Variants in BIN1 observed in about 807,000 individuals in gnomAD.
BIN1 encodes the protein bridging integrator 1, also known as myc box-dependent-interacting protein 1.
In BIN1, 53 loss-of-function variants were observed where a neutral mutation model predicts 82.0. The ratio of observed to expected loss-of-function variants is 0.65; its 90% confidence interval spans 0.52 to 0.81. The LOEUF (loss-of-function observed/expected upper bound fraction) is 0.81. BIN1 is among the 40% of genes least tolerant of loss of function. The pLI, the probability that BIN1 is intolerant of heterozygous loss-of-function variation, is 0.00. For missense variants in BIN1, 642 were observed against 784.4 expected (o/e 0.82, Z 2.17); for synonymous variants, 302 against 328.0 (o/e 0.92, Z 0.86).
In BIN1 at chr2:127,064,012, C is replaced by T; in HGVS notation, c.619G>A (p.Glu207Lys). 1 of 1,613,900 alleles carries T rather than the reference C, an allele frequency of 6.2e-7. No individual in the cohort carries two copies. ...ACCTTCTGGGCTTTGATGAGCTCCTCCTCGGCCTGGGGGGCAGCACGGGTC... is the reference window on the plus strand; with the variant it reads ...ACCTTCTGGGCTTTGATGAGCTCCTTCTCGGCCTGGGGGGCAGCACGGGTC... The part of the protein sequence containing the change: ...QTNLLRNQAE[E>K]ELIKAQKVFE... Residue 207 changes from glutamate (E) to lysine (K), a missense_variant, in exon 8 of 19, where the codon GAG becomes AAG. Glu to Lys is a moderately conservative substitution (Grantham distance 56). Transcript: ENST00000316724.
At chr2:127,079,426 G>T (rs556238279) in intron 1 of BIN1, among the ~76,000 whole-genome samples, 1 of 152,232 alleles carries the variant, frequency 6.6e-6, no homozygotes, top group Non-Finnish European at 1.5e-5. Flanking sequence ...TCACACAGGT[G>T]GGGGATGGGC....
At chr2:127,080,395 T>G (rs1687143301) in intron 1 of BIN1, among the ~76,000 whole-genome samples, 1 of 152,164 alleles carries the variant, frequency 6.6e-6, no homozygotes, top group Admixed American at 6.5e-5. Flanking sequence ...GGCAGGACAG[T>G]TGTGCTGGGT....
intron 1 of BIN1, among the ~76,000 whole-genome samples, chr2:127,101,596 C>G (rs918086346): frequency 4.6e-5 from 7 of 152,218 alleles, no homozygotes; most frequent in African/African-American, 1.7e-4. Flanking sequence ...TGGGTCCCCA[C>G]TCCCTAGAAC....
intron 1 of BIN1, among the ~76,000 whole-genome samples, chr2:127,085,602 A>G (rs1485711350): frequency 6.6e-6 from 1 of 152,100 alleles, no homozygotes; most frequent in Non-Finnish European, 1.5e-5. Context: ...GGGAGAGCCC[A>G]TAATGAGGAA....
intron 10 of BIN1, among the ~76,000 whole-genome samples, chr2:127,061,372 A>G (rs1402407904): frequency 1.3e-5 from 2 of 152,176 alleles, no homozygotes; most frequent in Admixed American, 6.5e-5. Flanking sequence ...TACCCCAAGA[A>G]GCAGACAGTC....
At position 127,059,017 on chromosome 2, in the gene BIN1, T is replaced by C. The variant is rs1197236051; in HGVS notation, c.996A>G (p.Pro332=). 1.9e-6 allele frequency: 3 copies of C among 1,556,788 alleles called. No individual in the cohort carries two copies. The highest frequency in any genetic ancestry group is 8.7e-7 in the Non-Finnish European group (1 of 1,150,754). The part of the protein sequence containing the change: ...ATPGATLPKS[P]SQLRKGPPVP... ...ACCAAGACATCACTCCTACCTGAGA[T>C]GGGGACTTGGGGAGGGTGGCCCCGG... is the stretch of plus-strand genomic sequence containing the variant. Residue 332 remains proline, a synonymous_variant, in exon 11 of 19, where the codon CCA becomes CCG. Transcript: ENST00000316724. This position sits in a 1 kb window ranked among gnomAD's most constrained non-coding sequence, Gnocchi z 6.7.
intron 1 of BIN1, among the ~76,000 whole-genome samples, chr2:127,078,299 A>T (rs1041485799): frequency 1.1e-4 from 16 of 152,172 alleles, no homozygotes; most frequent in African/African-American, 3.9e-4. Context: ...GCAGAGAGGA[A>T]TCAGATGTGG....
chr2:127,089,628 A>G (rs539104661), intron 1 of BIN1, among the ~76,000 whole-genome samples: 7 of 151,728 alleles, frequency 4.6e-5, no homozygotes, highest in African/African-American at 1.7e-4. Flanking sequence ...TTTCTATCAC[A>G]CCCCGGCCCC....
chr2:127,071,063 A>G (rs867755327), intron 2 of BIN1, among the ~76,000 whole-genome samples: 6 of 152,066 alleles, frequency 3.9e-5, no homozygotes, highest in South Asian at 2.1e-4. Flanking sequence ...TCAGCCCAGG[A>G]AGGAAGGCAG....
At chr2:127,098,328 C>A (rs2105322192) in intron 1 of BIN1, among the ~76,000 whole-genome samples, 1 of 152,308 alleles carries the variant, frequency 6.6e-6, no homozygotes, top group African/African-American at 2.4e-5. Context: ...CAACCCAGTC[C>A]TGTGGCGGCT....
At chr2:127,063,846 G>A (rs573864597) in intron 8 of BIN1, 87 bp downstream of exon 8, 8 of 1,550,028 alleles carry the variant, frequency 5.2e-6, no homozygotes, top group East Asian at 2.2e-5. Context: ...CAGCACGCAG[G>A]CTGGGCACCA....
rs184040747 is a variant in BIN1 at position 127,074,157 on chromosome 2, G to A, written c.165+2469C>T. ...CTCACAGAATCAGAGGCAAGAAAAA[G>A]CTCCACCTCCAGGCTTCCCACGCCC... On this transcript the variant is annotated intron_variant, in intron 2 of 18. Coordinates refer to ENST00000316724, the MANE Select transcript of BIN1 (RefSeq NM_139343.3). 2.3e-4 allele frequency among the ~76,000 whole-genome samples: 35 copies of A among 152,172 alleles called. No individual in the cohort carries two copies. In the East Asian group the frequency reaches 6.4e-3, roughly 28 times the overall value.
At chr2:127,058,702 C>T (rs1684028766) in intron 11 of BIN1, among the ~76,000 whole-genome samples, 1 of 151,604 alleles carries the variant, frequency 6.6e-6, no homozygotes, top group South Asian at 2.1e-4. Context: ...AGAGCCTCTG[C>T]TAGGGAGGAA....
At position 127,090,348 on chromosome 2, in the gene BIN1, AC is replaced by A. The variant is rs937120799; in HGVS notation, c.85-13643del. On this transcript the variant is annotated intron_variant, in intron 1 of 18. Coordinates refer to ENST00000316724, the MANE Select transcript of BIN1 (RefSeq NM_139343.3). The surrounding 1 kb of genome is among the most constrained non-coding windows in gnomAD (Gnocchi z 6.4). ...TGCTACTACTCCACATCCCAGTGCC[AC>A]CCCCGCAGGCAGGCAGCAAGGGCAT... 5.9e-5 allele frequency among the ~76,000 whole-genome samples: 9 copies of A among 152,098 alleles called. No individual in the cohort carries two copies. The highest frequency in any genetic ancestry group is 2.0e-4 in the Admixed American group (3 of 15,272).
At chr2:127,099,764 G>A (rs550730821) in intron 1 of BIN1, among the ~76,000 whole-genome samples, 4 of 151,146 alleles carry the variant, frequency 2.6e-5, no homozygotes, top group East Asian at 3.9e-4. Context: ...CGCCCGCCTC[G>A]GCCTCCCAAA....
intron 18 of BIN1, among the ~76,000 whole-genome samples, chr2:127,048,948 A>T (rs752158586): frequency 1.3e-5 from 2 of 152,212 alleles, no homozygotes; most frequent in African/African-American, 2.4e-5. Context: ...CTTCTCAAAC[A>T]ACCCCAGAAA....
At chr2:127,069,705 A>T (rs1685616373) in intron 5 of BIN1, among the ~76,000 whole-genome samples, 1 of 151,520 alleles carries the variant, frequency 6.6e-6, no homozygotes, top group South Asian at 2.1e-4. Flanking sequence ...CACCTTCCAC[A>T]ATCATATAGC....
Position 127,076,660 on chromosome 2 carries a change from A to T in BIN1, c.131T>A (p.Phe44Tyr). ...GKADETKDEQFEQCVQNFNKQ... is the reference protein window; with the variant it reads ...GKADETKDEQYEQCVQNFNKQ... ...GTTGAAATTCTGGACGCACTGCTCAAACTGCTCATCCTTGGTCTCATCTGC... is the reference window on the plus strand; with the variant it reads ...GTTGAAATTCTGGACGCACTGCTCATACTGCTCATCCTTGGTCTCATCTGC... The change falls in exon 2 of 19, where the codon TTT (phenylalanine) becomes TAT (tyrosine). Residue 44 changes from phenylalanine (F) to tyrosine (Y), a missense_variant. Transcript: ENST00000316724. 6.2e-7 allele frequency: 1 copy of T among 1,614,110 alleles called. No homozygotes were observed. The highest frequency in any genetic ancestry group is 8.5e-7 in the Non-Finnish European group (1 of 1,180,024).
At chr2:127,087,022 C>T (rs981923781) in intron 1 of BIN1, among the ~76,000 whole-genome samples, 2 of 152,232 alleles carry the variant, frequency 1.3e-5, no homozygotes, top group African/African-American at 4.8e-5. Flanking sequence ...TGATGATCTC[C>T]TTCCTCTTTT....
Sources: gnomAD v4.1 joint callset for allele counts (sites outside exome capture counted in the v4.1 genomes callset) on GRCh38, gnomAD v4.1.1 for gene constraint, Gnocchi (gnomAD v3.1) non-coding constraint, MANE v1.5 for transcripts, NCBI Gene and HGNC (gene_info 2026-07-23, HGNC 2026-07-21) for gene names.